PPP6R2: variants seen among roughly 807,000 people sequenced by gnomAD.
PPP6R2 encodes the protein serine/threonine-protein phosphatase 6 regulatory subunit 2.
Under a neutral mutation model 100.2 loss-of-function variants are expected in PPP6R2, and 62 were observed. The ratio of observed to expected loss-of-function variants is 0.62; its 90% CI spans 0.50 to 0.76. PPP6R2 has a LOEUF of 0.76. PPP6R2 is among the 30% of genes least tolerant of loss of function. The pLI is 0.00. For missense variants in PPP6R2, 1,142 were observed against 1,276.3 expected (o/e 0.89, Z 1.60); for synonymous variants, 525 against 514.7 (o/e 1.02, Z -0.27).
chr22:50,332,457 C>T, the PPP6R2 span, among the ~76,000 whole-genome samples: 1 of 151,246 alleles, frequency 6.6e-6, no homozygotes, highest in African/African-American at 2.4e-5. Flanking sequence ...GTCTTGATCT[C>T]CTGACCTCGT....
intron 22 of PPP6R2, 89 bp from the exon 23 acceptor site, chr22:50,443,777 A>G (rs540203346): frequency 6.8e-7 from 1 of 1,473,280 alleles, no homozygotes; most frequent in East Asian, 2.5e-5. Context: ...GGCCGCCTGG[A>G]CCTTTTTGTC....
At chr22:50,385,671 A>G (rs899099645) in intron 2 of PPP6R2, among the ~76,000 whole-genome samples, 2 of 148,518 alleles carry the variant, frequency 1.3e-5, no homozygotes, top group East Asian at 4.0e-4. Context: ...ACCTGCCACT[A>G]TGCCTGGCTA....
intron 4 of PPP6R2, among the ~76,000 whole-genome samples, chr22:50,407,747 C>A (rs990950753): frequency 6.6e-6 from 1 of 152,230 alleles, no homozygotes; most frequent in Non-Finnish European, 1.5e-5. Context: ...GCGTGGTGGT[C>A]CCTGTGCCTG....
chr22:50,340,769 C>T (rs905084696), upstream of PPP6R2, among the ~76,000 whole-genome samples: 5 of 151,664 alleles, frequency 3.3e-5, no homozygotes, highest in African/African-American at 9.7e-5. Context: ...GGGAGGTCAT[C>T]GGGATGGGAG....
In PPP6R2 at chr22:50,347,304, G is replaced by A. The variant is rs117714929; in HGVS notation, c.-148+3754G>A. 2.1e-3 allele frequency among the ~76,000 whole-genome samples: 319 copies of A among 152,120 alleles called. 2 individuals are homozygous for A. The highest frequency in any genetic ancestry group is 3.4e-3 in the Non-Finnish European group (228 of 68,006). On this transcript the variant is annotated intron_variant, in intron 1 of 23. Transcript: ENST00000612753. The stretch of plus-strand genomic sequence containing the variant: ...CTGCTTCTCTCCTGCCTGTCAGTGG[G>A]AGAACTTTCAGTGCCCGCTGTCATC...
intron 3 of PPP6R2, among the ~76,000 whole-genome samples, chr22:50,401,365 C>A (rs1427581299): frequency 6.6e-6 from 1 of 151,374 alleles, no homozygotes; most frequent in African/African-American, 2.4e-5. Context: ...CACCACCACG[C>A]CCGGCTAATT....
intron 10 of PPP6R2, among the ~76,000 whole-genome samples, chr22:50,426,478 A>G (rs1169756609): frequency 2.0e-5 from 3 of 152,128 alleles, no homozygotes; most frequent in Non-Finnish European, 2.9e-5. Context: ...TATCTGGTGT[A>G]AAGTAAGGGT....
At position 50,433,333 on chromosome 22, in the gene PPP6R2, G is replaced by A. The variant is rs1164784626; in HGVS notation, c.1400+1004G>A. ...CAGGGGCCGGGCACTTGCCCTGGAG[G>A]TGAACCTGGAGGAGGGCTGGGGGCG... On this transcript the variant is annotated intron_variant, in intron 12 of 23. Coordinates refer to ENST00000612753, the MANE Select transcript of PPP6R2 (RefSeq NM_001242898.2). Among the ~76,000 whole-genome samples the A allele has an allele frequency of 1.5e-4, 16 of 104,698 alleles. 1 individual carries two copies. In the Admixed American group the frequency reaches 1.6e-3, roughly 10 times the overall value. 68.7% of individuals were successfully genotyped at this position (104,698 alleles called of 152,430 possible).
chr22:50,369,442 T>G (rs1359949178), intron 1 of PPP6R2, among the ~76,000 whole-genome samples: 1 of 152,052 alleles, frequency 6.6e-6, no homozygotes, highest in African/African-American at 2.4e-5. Context: ...TTTGTTTGAT[T>G]TTTATTTTTT....
intron 4 of PPP6R2, 98 bp downstream of exon 4, chr22:50,406,973 G>A (rs1011577109): frequency 4.8e-5 from 59 of 1,228,390 alleles, no homozygotes; most frequent in Admixed American, 1.4e-4. Flanking sequence ...TCCTCCGGCC[G>A]CGGGAACAGC....
chr22:50,424,009 C>T (rs563404299), intron 10 of PPP6R2, among the ~76,000 whole-genome samples: 1 of 152,386 alleles, frequency 6.6e-6, no homozygotes, highest in East Asian at 1.9e-4. Flanking sequence ...AGAAGGCCAA[C>T]CTGGCAGTTT....
intron 4 of PPP6R2, 81 bp downstream of exon 4, chr22:50,406,956 C>A (rs770259187): frequency 2.8e-5 from 39 of 1,394,932 alleles, no homozygotes; most frequent in Non-Finnish European, 3.9e-5. Flanking sequence ...CCTGGCGGTG[C>A]GACTCATCCT....
intron 1 of PPP6R2, among the ~76,000 whole-genome samples, chr22:50,369,947 C>T (rs2049681739): frequency 1.4e-5 from 2 of 144,416 alleles, no homozygotes; most frequent in Admixed American, 7.1e-5. Flanking sequence ...CAAGGTCTCG[C>T]TGTGTTGCTC....
intron 1 of PPP6R2, among the ~76,000 whole-genome samples, chr22:50,347,377 C>G (rs2044020715): frequency 6.6e-6 from 1 of 152,030 alleles, no homozygotes; most frequent in African/African-American, 2.4e-5. Flanking sequence ...TTTCCTAACC[C>G]TTTCCAACAC....
chr22:50,339,735 G>A (rs1253894324), upstream of PPP6R2, among the ~76,000 whole-genome samples: 1 of 138,964 alleles, frequency 7.2e-6, no homozygotes, highest in African/African-American at 2.8e-5. Context: ...TGTTGTGTGT[G>A]TGGTATATAG....
chr22:50,392,599 A>G (rs760906853), intron 2 of PPP6R2, among the ~76,000 whole-genome samples: 1 of 152,214 alleles, frequency 6.6e-6, no homozygotes, highest in Non-Finnish European at 1.5e-5. Context: ...GGAAAGTGCC[A>G]TCTGCATGGG....
At position 50,426,226 on chromosome 22, in the gene PPP6R2, T is replaced by G. The variant is rs143161483; in HGVS notation, c.1125+2612T>G. On this transcript the variant is annotated intron_variant, in intron 10 of 23. Transcript: ENST00000612753. ...CCGTGGCCTCCCAAAGTGCTGGAAT[T>G]ATAGGCGTGAGCCACCAGCCACCCA... is the stretch of plus-strand genomic sequence containing the variant. Among the ~76,000 whole-genome samples the G allele has an allele frequency of 4.4e-3, 664 of 152,364 alleles. 8 individuals carry two copies. Among genetic ancestry groups the G allele is most frequent in the African/African-American group, 0.015 (619 of 41,592 alleles).
At chr22:50,392,022 G>A (rs1031785155) in intron 2 of PPP6R2, 3 of 151,670 alleles carry the variant, frequency 2.0e-5, no homozygotes, top group Non-Finnish European at 4.4e-5. Context: ...CCAAGTACGT[G>A]AGACATCTGG....
rs751631065 is a variant in PPP6R2, at chr22:50,416,142, G to A, written c.603G>A (p.Pro201=). 3.2e-5 allele frequency: 52 copies of A among 1,613,360 alleles called. No homozygotes were observed. The Admixed American group carries it at 6.5e-4, about 20-fold the overall frequency. Residue 201 remains proline (P), a synonymous_variant, in exon 6 of 24, where the codon CCG becomes CCA. Coordinates refer to ENST00000612753, the MANE Select transcript of PPP6R2 (RefSeq NM_001242898.2). ...AGAGGCTTGTGGAGTTGATCCACCC[G>A]AGCCAGGATGAAGATGTGAGTGTGC... is the stretch of plus-strand genomic sequence containing the variant. The part of the protein sequence containing the change: ...VIQRLVELIH[P]SQDEDRQSNA...
Sources: allele counts gnomAD v4.1 joint callset (sites outside exome capture counted in the v4.1 genomes callset), GRCh38; gene constraint gnomAD v4.1.1; transcripts MANE v1.5; gene names NCBI Gene and HGNC (gene_info 2026-07-23, HGNC 2026-07-21).